The following WDFY2 variants were observed in gnomAD, a reference collection of about 807,000 sequenced individuals.
WDFY2 encodes WD repeat and FYVE domain containing 2, also known as WD repeat and FYVE domain-containing protein 2.
Under a neutral mutation model 56.4 loss-of-function variants are expected in WDFY2, and 36 were observed. The observed-to-expected ratio is 0.64, with a 90% CI of 0.49 to 0.84. WDFY2 has a LOEUF of 0.84. Among genes scored for constraint, WDFY2 ranks in the 40% least tolerant of loss-of-function variants. The probability of loss-of-function intolerance (pLI) is 0.00; values close to 1 mark genes in which losing one functional copy is unlikely to be tolerated. For synonymous variants in WDFY2, 176 were observed against 183.7 expected, an observed-to-expected ratio of 0.96 and a Z score of 0.34; for missense variants, 444 against 512.2, an observed-to-expected ratio of 0.87 and a Z score of 1.29.
Position 51,701,305 on chromosome 13 carries a change from G to A in WDFY2, c.280-2291G>A, listed in dbSNP as rs978667644. Among the ~76,000 whole-genome samples, 13 of 151,954 alleles carry A rather than the reference G, an allele frequency of 8.6e-5. No individual in the cohort carries two copies. In the South Asian group the frequency reaches 1.9e-3, roughly 22 times the overall value. ...TGGGAACCCGAGGCAGGCGGATCAC[G>A]AGGTCAGGAGTTCCAGACCAGCCTG... On this transcript the variant is annotated intron_variant, in intron 3 of 11. Coordinates refer to ENST00000298125, the MANE Select transcript of WDFY2 (RefSeq NM_052950.4).
intron 1 of WDFY2, among the ~76,000 whole-genome samples, chr13:51,638,927 A>C (rs1708055924): frequency 6.6e-6 from 1 of 152,210 alleles, no homozygotes; most frequent in Non-Finnish European, 1.5e-5. Flanking sequence ...TCTTGAAGAA[A>C]ATTTTAGAAA....
chr13:51,737,199 A>G (rs1952855629), intron 6 of WDFY2, among the ~76,000 whole-genome samples: 1 of 152,134 alleles, frequency 6.6e-6, no homozygotes, highest in Non-Finnish European at 1.5e-5. Flanking sequence ...CATCACATTA[A>G]CAATAGTAGT....
chr13:51,736,716 C>T (rs934692945), intron 6 of WDFY2, among the ~76,000 whole-genome samples: 4 of 152,248 alleles, frequency 2.6e-5, no homozygotes, highest in Admixed American at 6.5e-5. Context: ...TGGTCTCAAA[C>T]TCCTGACCTC....
intron 4 of WDFY2, among the ~76,000 whole-genome samples, chr13:51,714,668 G>C (rs1319453237): frequency 1.3e-5 from 2 of 152,190 alleles, no homozygotes; most frequent in Non-Finnish European, 2.9e-5. Context: ...GTTCCTCAAA[G>C]AGTTAAATAT....
rs184112960 is a variant in WDFY2, at chr13:51,726,447, T to G, written c.486-1231T>G. ...CATTCTGTATTTTTGCCTGTGTGTCTCTGGGTGGATCTTTAGAAATAGGGT... is the reference window on the plus strand; with the variant it reads ...CATTCTGTATTTTTGCCTGTGTGTCGCTGGGTGGATCTTTAGAAATAGGGT... On this transcript the variant is annotated intron_variant, in intron 5 of 11. Transcript: ENST00000298125. Among the ~76,000 whole-genome samples, 249 of 152,354 alleles carry G rather than the reference T, an allele frequency of 1.6e-3. 1 individual carries two copies. The highest frequency in any genetic ancestry group is 2.7e-3 in the Non-Finnish European group (181 of 68,038).
chr13:51,615,166 TAGAG>T (rs975145558), intron 1 of WDFY2, among the ~76,000 whole-genome samples: 91 of 152,278 alleles, frequency 6.0e-4, no homozygotes, highest in African/African-American at 1.8e-3. Flanking sequence ...AATGAAGAGT[TAGAG>T]AGGATATTTG....
At chr13:51,690,198 T>TATA (rs67304926) in intron 3 of WDFY2, among the ~76,000 whole-genome samples, 1 of 2,144 alleles carries the variant, frequency 4.7e-4, no homozygotes, top group African/African-American at 6.3e-4. Context: ...ATATATATAT[T>TATA]TTTTTTATTA....
intron 1 of WDFY2, among the ~76,000 whole-genome samples, chr13:51,623,105 T>C (rs1282984487): frequency 6.6e-6 from 1 of 151,946 alleles, no homozygotes; most frequent in Non-Finnish European, 1.5e-5. Context: ...TGATCTACCC[T>C]CCTTGGCCTC....
chr13:51,659,340 C>A (rs888001776), intron 1 of WDFY2, among the ~76,000 whole-genome samples: 5 of 152,130 alleles, frequency 3.3e-5, no homozygotes, highest in Non-Finnish European at 7.3e-5. Flanking sequence ...TAGGAAGTAT[C>A]CAACTCTCTC....
chr13:51,635,369 G>A (rs879616728), intron 1 of WDFY2, among the ~76,000 whole-genome samples: 2 of 152,192 alleles, frequency 1.3e-5, no homozygotes, highest in Non-Finnish European at 2.9e-5. Context: ...AGAACAGCAT[G>A]TATTTTGTCT....
At chr13:51,757,373 G>C (rs976918116) in intron 10 of WDFY2, among the ~76,000 whole-genome samples, 1 of 152,062 alleles carries the variant, frequency 6.6e-6, no homozygotes, top group Non-Finnish European at 1.5e-5. Flanking sequence ...GGGACTTACA[G>C]TTAAGCCTAA....
chr13:51,683,350 C>A (rs925588239), intron 3 of WDFY2, among the ~76,000 whole-genome samples: 3 of 152,182 alleles, frequency 2.0e-5, no homozygotes, highest in African/African-American at 7.2e-5. Flanking sequence ...TTTTCTTAAC[C>A]ATTTCCATCT....
intron 1 of WDFY2, among the ~76,000 whole-genome samples, chr13:51,640,328 T>C (rs1017103590): frequency 2.0e-5 from 3 of 152,230 alleles, no homozygotes; most frequent in Non-Finnish European, 2.9e-5. Flanking sequence ...ATTTCAAATA[T>C]ATACAACACA....
At chr13:51,738,547 G>A (rs1488449639) in intron 6 of WDFY2, among the ~76,000 whole-genome samples, 1 of 152,112 alleles carries the variant, frequency 6.6e-6, no homozygotes, top group Non-Finnish European at 1.5e-5. Context: ...AAGTTTGCCC[G>A]GAATCTGTAA....
chr13:51,653,716 C>T (rs887842382), intron 1 of WDFY2, among the ~76,000 whole-genome samples: 3 of 152,230 alleles, frequency 2.0e-5, no homozygotes, highest in Admixed American at 2.0e-4. Flanking sequence ...GGCTGCAGAG[C>T]AGTGAATATT....
intron 1 of WDFY2, among the ~76,000 whole-genome samples, chr13:51,609,794 A>G (rs1243865397): frequency 1.3e-5 from 2 of 152,148 alleles, no homozygotes; most frequent in South Asian, 2.1e-4. Flanking sequence ...ATATGCATCT[A>G]TTATATGGTG....
chr13:51,719,877 C>T, intron 5 of WDFY2, among the ~76,000 whole-genome samples: 1 of 152,156 alleles, frequency 6.6e-6, no homozygotes. Flanking sequence ...AGGAATGAGA[C>T]ACTTTCAGAT....
intron 11 of WDFY2, among the ~76,000 whole-genome samples, chr13:51,758,552 TA>T (rs35383381): frequency 0.3 from 38,239 of 127,706 alleles, 5,557 homozygotes; most frequent in Admixed American, 0.45. Context: ...CCTCATCTCT[TA>T]AAAAAAAAAA....
chr13:51,615,944 T>C lies in WDFY2; in HGVS notation c.137+31120T>C, dbSNP rs181548128. On this transcript the variant is annotated intron_variant, in intron 1 of 11. Transcript: ENST00000298125. ...TAATGACTTTTTAAAAAGCAGAATA[T>C]TCGAAAATAAAAGAACAGGCCACAT... Among the ~76,000 whole-genome samples the C allele has an allele frequency of 1.8e-4, 27 of 152,322 alleles. No individual in the cohort carries two copies. In the East Asian group the frequency reaches 4.8e-3, roughly 27 times the overall value.
Sources: gnomAD v4.1 joint callset for allele counts (sites outside exome capture counted in the v4.1 genomes callset) on GRCh38, gnomAD v4.1.1 for gene constraint, MANE v1.5 for transcripts, NCBI Gene and HGNC (gene_info 2026-07-23, HGNC 2026-07-21) for gene names.